NKAIN3: variants seen among roughly 807,000 people sequenced by gnomAD.
The protein encoded by NKAIN3 is sodium/potassium-transporting ATPase subunit beta-1-interacting protein 3.
NKAIN3 carries 25 observed loss-of-function variants against 30.2 expected under a neutral mutation model. The observed-to-expected ratio is 0.83, with a 90% confidence interval of 0.60 to 1.16. NKAIN3 has a LOEUF of 1.16. NKAIN3 is among the 50% of genes most tolerant of loss of function. The pLI is 0.00. For synonymous variants in NKAIN3, 91 were observed against 89.6 expected (o/e 1.02, Z -0.09); for missense variants, 225 against 254.1 (o/e 0.89, Z 0.78).
chr8:62,495,466 C>A (rs1050727623), intron 1 of NKAIN3, among the ~76,000 whole-genome samples: 10 of 151,216 alleles, frequency 6.6e-5, no homozygotes, highest in Admixed American at 5.9e-4. Context: ...GGCTTTTTAT[C>A]AAGAAATTTT....
In NKAIN3 at chr8:62,733,305, T is replaced by A. The variant is rs1004371527; in HGVS notation, c.274-13627T>A. 3.9e-5 allele frequency among the ~76,000 whole-genome samples: 6 copies of A among 152,230 alleles called. No homozygotes were observed. In the South Asian group the frequency reaches 6.2e-4, roughly 16 times the overall value. On this transcript the variant is annotated intron_variant, in intron 3 of 6. Transcript: ENST00000623646. ...AATAATATTTATGGGAATTTGCCTA[T>A]CTTCTAGGACCTTCTTTCTTCCTGA...
chr8:62,597,557 G>C (rs1386416991), intron 3 of NKAIN3, among the ~76,000 whole-genome samples: 1 of 151,846 alleles, frequency 6.6e-6, no homozygotes, highest in Non-Finnish European at 1.5e-5. Context: ...ACATAATTTT[G>C]TTCTATTTTT....
chr8:62,530,570 T>A (rs1808457064), intron 1 of NKAIN3, among the ~76,000 whole-genome samples: 1 of 152,268 alleles, frequency 6.6e-6, no homozygotes, highest in Middle Eastern at 3.4e-3. Flanking sequence ...CAATATTGCA[T>A]TGAGTCATTT....
chr8:62,571,948 A>T (rs761605697), intron 1 of NKAIN3, among the ~76,000 whole-genome samples: 1 of 151,794 alleles, frequency 6.6e-6, no homozygotes, highest in Non-Finnish European at 1.5e-5. Context: ...TGCCATGAAG[A>T]CCTCTGACAT....
At chr8:62,792,269 G>A (rs1817721328) in intron 4 of NKAIN3, among the ~76,000 whole-genome samples, 1 of 152,050 alleles carries the variant, frequency 6.6e-6, no homozygotes, top group Non-Finnish European at 1.5e-5. Flanking sequence ...GCTATTGTCT[G>A]TATGTTTCTA....
chr8:62,509,806 T>C (rs887776650), intron 1 of NKAIN3, among the ~76,000 whole-genome samples: 2 of 152,160 alleles, frequency 1.3e-5, no homozygotes, highest in Non-Finnish European at 2.9e-5. Context: ...AGACATTTCA[T>C]TAAGTCACTC....
chr8:62,889,318 C>A (rs956614723), intron 4 of NKAIN3, among the ~76,000 whole-genome samples: 1 of 151,688 alleles, frequency 6.6e-6, no homozygotes, highest in African/African-American at 2.4e-5. Context: ...TACAGTGAGC[C>A]GAGATCATGC....
intron 6 of NKAIN3, among the ~76,000 whole-genome samples, chr8:62,960,531 A>C (rs1585624713): frequency 6.6e-6 from 1 of 152,100 alleles, no homozygotes; most frequent in East Asian, 1.9e-4. Flanking sequence ...AATCAACAAC[A>C]TAAAAAAAGT....
chr8:62,945,866 T>A (rs116861286), intron 5 of NKAIN3, among the ~76,000 whole-genome samples: 2 of 152,190 alleles, frequency 1.3e-5, no homozygotes, highest in Admixed American at 1.3e-4. Context: ...CAAGGACAAT[T>A]GAACTATATC....
At chr8:62,929,549 C>A (rs1035053007) in intron 5 of NKAIN3, among the ~76,000 whole-genome samples, 28 of 152,236 alleles carry the variant, frequency 1.8e-4, no homozygotes, top group African/African-American at 6.3e-4. Context: ...TTCCTCCTAA[C>A]TGAGACAAGA....
At chr8:62,381,649 T>C (rs1817282473) in intron 1 of NKAIN3, among the ~76,000 whole-genome samples, 1 of 152,120 alleles carries the variant, frequency 6.6e-6, no homozygotes, top group Non-Finnish European at 1.5e-5. Context: ...TTGAATAGAC[T>C]CACTCCAGTC....
intron 1 of NKAIN3, among the ~76,000 whole-genome samples, chr8:62,363,009 C>T (rs1486411615): frequency 6.6e-6 from 1 of 152,108 alleles, no homozygotes; most frequent in African/African-American, 2.4e-5. Context: ...GGTTTTCAGT[C>T]TTGTCTACCT....
chr8:62,890,083 T>C (rs955082413), intron 4 of NKAIN3, among the ~76,000 whole-genome samples: 4 of 152,298 alleles, frequency 2.6e-5, no homozygotes, highest in East Asian at 3.9e-4. Context: ...TGTTCTTTAG[T>C]TGAATAGGTG....
chr8:62,249,116 G>C lies in NKAIN3; in HGVS notation c.43G>C (p.Ala15Pro), dbSNP rs1407430719. The C allele has an allele frequency of 1.3e-6, 2 of 1,537,746 alleles. No homozygotes were observed. The highest frequency in any genetic ancestry group is 4.0e-5 in the Admixed American group (2 of 50,458). ...ACGCTGCTCGCTCATCTGCCTCTGCGCGCTGCAGTTGGTGAGTGCCCCGAG... is the reference window on the plus strand; with the variant it reads ...ACGCTGCTCGCTCATCTGCCTCTGCCCGCTGCAGTTGGTGAGTGCCCCGAG... ...TGRCSLICLC[A>P]LQLVSALERQ... The change falls in exon 1 of 7, where the codon GCG becomes CCG. Residue 15 changes from alanine (A) to proline (P), a missense_variant. Coordinates refer to ENST00000623646, the MANE Select transcript of NKAIN3 (RefSeq NM_001304533.3).
intron 1 of NKAIN3, among the ~76,000 whole-genome samples, chr8:62,471,679 G>GC (rs1164949851): frequency 2.6e-5 from 4 of 152,150 alleles, no homozygotes; most frequent in Admixed American, 2.0e-4. Context: ...TGGGGGCTGG[G>GC]CGCGGTGACT....
intron 4 of NKAIN3, among the ~76,000 whole-genome samples, chr8:62,781,186 C>A (rs1817343145): frequency 6.6e-6 from 1 of 150,612 alleles, no homozygotes; most frequent in African/African-American, 2.4e-5. Context: ...AAAATAGCTG[C>A]AAAAAATAAA....
chr8:62,622,582 G>T (rs1413417626), intron 3 of NKAIN3, among the ~76,000 whole-genome samples: 1 of 151,902 alleles, frequency 6.6e-6, no homozygotes, highest in East Asian at 1.9e-4. Flanking sequence ...TTGATAAAAT[G>T]CTTCTTCTTG....
At chr8:62,262,581 A>C (rs929080967) in intron 1 of NKAIN3, among the ~76,000 whole-genome samples, 2 of 152,120 alleles carry the variant, frequency 1.3e-5, no homozygotes, top group African/African-American at 4.8e-5. Context: ...TCTTGAATGC[A>C]GGGCCAATTA....
chr8:62,626,651 G>C (rs7817187), intron 3 of NKAIN3, among the ~76,000 whole-genome samples: 5,871 of 152,142 alleles, frequency 0.039, 394 homozygotes, highest in African/African-American at 0.13. Context: ...ACTTAGCTGT[G>C]CCTCAGTGTT....
Sources: gnomAD v4.1 joint callset for allele counts (sites outside exome capture counted in the v4.1 genomes callset) on GRCh38, gnomAD v4.1.1 for gene constraint, MANE v1.5 for transcripts, NCBI Gene and HGNC (gene_info 2026-07-23, HGNC 2026-07-21) for gene names.